VPS37C: variants seen among roughly 807,000 people sequenced by gnomAD.
The protein encoded by VPS37C is VPS37C subunit of ESCRT-I, also known as vacuolar protein sorting-associated protein 37C.
VPS37C carries 9 observed loss-of-function variants against 16.1 expected under a neutral mutation model. The observed-to-expected ratio is 0.56, with a 90% CI of 0.34 to 0.97. The LOEUF is 0.97. Ranked by LOEUF, VPS37C falls within the 50% of genes least tolerant of loss-of-function variation. VPS37C has a pLI of 0.02. For synonymous variants in VPS37C, 207 were observed against 206.4 expected (o/e 1.00, Z -0.02); for missense variants, 479 against 472.7 (o/e 1.01, Z -0.12).
chr11:61,145,564 GAGGCTGGAA>G (rs1394252818), intron 1 of VPS37C: 14 of 152,484 alleles, frequency 9.2e-5, no homozygotes, highest in African/African-American at 2.6e-4. Context: ...AGCCATCAGC[GAGGCTGGAA>G]GCAGCAAGCA....
At chr11:61,145,844 G>A (rs1355424758) in intron 1 of VPS37C, among the ~76,000 whole-genome samples, 1 of 152,180 alleles carries the variant, frequency 6.6e-6, no homozygotes, top group Admixed American at 6.5e-5. Flanking sequence ...GTTTCTGGAG[G>A]GTGTGACGAG....
intron 3 of VPS37C, 39 bp from the exon 4 acceptor site, chr11:61,133,376 C>T: frequency 6.2e-7 from 1 of 1,602,756 alleles, no homozygotes; most frequent in Non-Finnish European, 8.5e-7. Flanking sequence ...TTGAAAAGTG[C>T]TTCCTGATTC....
chr11:61,138,853 C>A lies in VPS37C; in HGVS notation c.-6-18G>T, dbSNP rs774014203. On this transcript the variant is annotated intron_variant, in intron 1 of 4. Coordinates refer to ENST00000301765, the MANE Select transcript of VPS37C (RefSeq NM_017966.5). ...ATCCTTCCCTGTGAACACAGTGACA[C>A]CAAAGTAACGAACAGGCAGCCCAAG... The A allele has an allele frequency of 6.2e-7, 1 of 1,610,702 alleles. No homozygotes were observed. Among genetic ancestry groups the A allele is most frequent in the South Asian group, 1.1e-5 (1 of 91,010 alleles).
intron 1 of VPS37C, among the ~76,000 whole-genome samples, chr11:61,153,321 A>C (rs745770427): frequency 6.6e-6 from 1 of 152,254 alleles, no homozygotes; most frequent in Non-Finnish European, 1.5e-5. Context: ...GCCGCCATTA[A>C]GACGAACGCA....
chr11:61,151,320 C>G, intron 1 of VPS37C, among the ~76,000 whole-genome samples: 1 of 152,206 alleles, frequency 6.6e-6, no homozygotes, highest in Non-Finnish European at 1.5e-5. Flanking sequence ...TAACTACTCT[C>G]CTTCACCAGC....
At chr11:61,135,680 C>T (rs1247079370) in intron 2 of VPS37C, among the ~76,000 whole-genome samples, 1 of 152,080 alleles carries the variant, frequency 6.6e-6, no homozygotes, top group African/African-American at 2.4e-5. Context: ...CCCATCCTTC[C>T]AATAGCTGGG....
chr11:61,131,085 C>A lies in VPS37C; in HGVS notation c.*735G>T, dbSNP rs1432978668. 5 of 269,588 alleles carry A rather than the reference C, an allele frequency of 1.9e-5. No homozygotes were observed. The highest frequency in any genetic ancestry group is 3.6e-5 in the Non-Finnish European group (5 of 140,294). The allele number at this position is 269,588 out of a possible 1,614,324, so 16.7% of individuals were successfully genotyped here. On this transcript the variant is annotated 3_prime_UTR_variant, in exon 5 of 5. Transcript: ENST00000301765. ...CAATCTCCAGGGCTAGAGCTGCCCG[C>A]TTCCCTCTGGCCAGAGGGCCCAAGG...
intron 4 of VPS37C, 22 bp from the exon 5 acceptor site, chr11:61,132,561 G>A (rs1590782647): frequency 3.9e-6 from 6 of 1,557,472 alleles, no homozygotes; most frequent in Non-Finnish European, 3.5e-6. Flanking sequence ...AAGGTCCAGT[G>A]ACAACAGGGG....
At chr11:61,132,619 T>G (rs1590782697) in intron 4 of VPS37C, 80 bp from the exon 5 acceptor site, 5 of 1,510,416 alleles carry the variant, frequency 3.3e-6, no homozygotes, top group Admixed American at 4.4e-5. Context: ...TGAGTTCAGC[T>G]GCAGCCCTCC....
chr11:61,130,694 G>A lies in VPS37C; in HGVS notation c.*1126C>T, dbSNP rs1861237497. ...ATGCCCCAAACCCCACAGTGCAGGGGGCTGCATATTAAACAGAGACATAAT... is the reference window on the plus strand; with the variant it reads ...ATGCCCCAAACCCCACAGTGCAGGGAGCTGCATATTAAACAGAGACATAAT... On this transcript the variant is annotated 3_prime_UTR_variant, in exon 5 of 5. Coordinates refer to ENST00000301765, the MANE Select transcript of VPS37C (RefSeq NM_017966.5). 3 of 381,596 alleles carry A rather than the reference G, an allele frequency of 7.9e-6. No individual in the cohort carries two copies. Among genetic ancestry groups the A allele is most frequent in the South Asian group, 5.8e-5 (3 of 51,918 alleles). 23.6% of individuals were successfully genotyped at this position (381,596 alleles called of 1,614,324 possible). A position where few individuals can be genotyped will look rare whatever the true frequency, so the allele number is the denominator to read the frequency against.
Position 61,131,993 on chromosome 11 carries a change from G to A in VPS37C, c.895C>T (p.Gln299Ter), listed in dbSNP as rs1861271742. The change falls in exon 5 of 5, where the codon CAG (glutamine) becomes TAG (stop). Residue 299 changes from glutamine (Q) to a stop codon, truncating the protein, a stop_gained. Transcript: ENST00000301765. LOFTEE classifies it low-confidence loss of function (END_TRUNC). ...GRAPSPGYPQ[Q>*]SPYPATGGKP... ...CCTCCTGTTGCGGGGTATGGGGACTGTTGAGGATAACCAGGACTGGGGGCC... is the reference window on the plus strand; with the variant it reads ...CCTCCTGTTGCGGGGTATGGGGACTATTGAGGATAACCAGGACTGGGGGCC... The A allele has an allele frequency of 1.5e-6, 2 of 1,364,252 alleles. No individual in the cohort carries two copies. The highest frequency in any genetic ancestry group is 3.7e-5 in the Admixed American group (1 of 27,286). The allele number at this position is 1,364,252 out of a possible 1,614,324, so 84.5% of individuals were successfully genotyped here.
intron 2 of VPS37C, 108 bp downstream of exon 2, chr11:61,138,629 G>A (rs1363477318): frequency 4.2e-6 from 4 of 957,790 alleles, no homozygotes; most frequent in Non-Finnish European, 6.6e-6. Flanking sequence ...CACAGAAAAG[G>A]GAGATGAATT....
intron 1 of VPS37C, among the ~76,000 whole-genome samples, chr11:61,158,419 G>A (rs1196210903): frequency 6.6e-6 from 1 of 152,226 alleles, no homozygotes; most frequent in East Asian, 1.9e-4. Context: ...AATAGCAGAA[G>A]ATGCAATCTT....
intron 1 of VPS37C, among the ~76,000 whole-genome samples, chr11:61,160,019 C>G (rs1853445011): frequency 6.6e-6 from 1 of 151,930 alleles, no homozygotes; most frequent in African/African-American, 2.4e-5. Context: ...GGATCATCAC[C>G]TATTTGGACA....
At chr11:61,145,808 C>T (rs765780510) in intron 1 of VPS37C, among the ~76,000 whole-genome samples, 9 of 152,162 alleles carry the variant, frequency 5.9e-5, no homozygotes, top group Non-Finnish European at 1.0e-4. Flanking sequence ...AGATGTCCTT[C>T]GGGGACCCAG....
chr11:61,152,611 T>TTGG (rs1284881593), intron 1 of VPS37C, among the ~76,000 whole-genome samples: 5 of 152,180 alleles, frequency 3.3e-5, no homozygotes, highest in Non-Finnish European at 7.4e-5. Flanking sequence ...GCTCCTCAGC[T>TTGG]TGGTATACAA....
chr11:61,155,327 AAAG>A (rs1853361498), intron 1 of VPS37C, among the ~76,000 whole-genome samples: 1 of 151,840 alleles, frequency 6.6e-6, no homozygotes, highest in Admixed American at 6.6e-5. Flanking sequence ...CTACAAAAAT[AAAG>A]AATAATCATT....
At chr11:61,152,093 G>T (rs1290024163) in intron 1 of VPS37C, among the ~76,000 whole-genome samples, 1 of 152,172 alleles carries the variant, frequency 6.6e-6, no homozygotes, top group Admixed American at 6.5e-5. Flanking sequence ...TTTAAGGAGG[G>T]ATCAAGAGGA....
chr11:61,136,734 A>G (rs1202030338), intron 2 of VPS37C, among the ~76,000 whole-genome samples: 3 of 152,262 alleles, frequency 2.0e-5, no homozygotes, highest in Non-Finnish European at 4.4e-5. Context: ...ATACAGATAT[A>G]TAGCTAGAAA....
Sources: gnomAD v4.1 joint callset for allele counts (sites outside exome capture counted in the v4.1 genomes callset) on GRCh38, gnomAD v4.1.1 for gene constraint, MANE v1.5 for transcripts, NCBI Gene and HGNC (gene_info 2026-07-23, HGNC 2026-07-21) for gene names.